The following WDFY2 variants were observed in gnomAD, a reference collection of about 807,000 sequenced individuals.
WDFY2 encodes the protein WD repeat and FYVE domain-containing protein 2.
WDFY2 carries 36 observed loss-of-function variants against 56.4 expected under a neutral mutation model. That is an observed-to-expected ratio of 0.64 (90% confidence interval 0.49 to 0.84). WDFY2 has a LOEUF of 0.84. Ranked by LOEUF, WDFY2 falls within the 40% of genes least tolerant of loss-of-function variation. The pLI, the probability that WDFY2 is intolerant of heterozygous loss-of-function variation, is 0.00. For synonymous variants in WDFY2, 176 were observed against 183.7 expected (o/e 0.96, Z 0.34); for missense variants, 444 against 512.2 (o/e 0.87, Z 1.29).
chr13:51,596,096 G>A (rs1241165768), intron 1 of WDFY2, among the ~76,000 whole-genome samples: 1 of 152,178 alleles, frequency 6.6e-6, no homozygotes, highest in African/African-American at 2.4e-5. Context: ...CTGTTTTAGT[G>A]TTCGTTGGGG....
rs71085095 is a variant in WDFY2 at position 51,708,581 on chromosome 13, TAAAA to T, written c.334+4939_334+4942del. ...AATCATATAGTAATTCCCAATTAAT[TAAAA>T]AAAAAAAGCAGACTAAGAGGAAAAA... On this transcript the variant is annotated intron_variant, in intron 4 of 11. Transcript: ENST00000298125. Among the ~76,000 whole-genome samples the T allele has an allele frequency of 2.1e-5, 3 of 144,738 alleles. 1 individual carries two copies. In the South Asian group the frequency reaches 6.5e-4, roughly 32 times the overall value. The allele number at this position is 144,738 out of a possible 152,430, so 95.0% of individuals were successfully genotyped here. A position where few individuals can be genotyped will look rare whatever the true frequency, so the allele number is the denominator to read the frequency against.
At chr13:51,636,261 ACT>A (rs1218231484) in intron 1 of WDFY2, among the ~76,000 whole-genome samples, 3 of 152,104 alleles carry the variant, frequency 2.0e-5, no homozygotes, top group Non-Finnish European at 4.4e-5. Flanking sequence ...TGGCACACAC[ACT>A]CTGATTTGTA....
At chr13:51,631,962 C>T (rs1954961513) in intron 1 of WDFY2, among the ~76,000 whole-genome samples, 1 of 152,048 alleles carries the variant, frequency 6.6e-6, no homozygotes. Flanking sequence ...AAGAATATTT[C>T]TACAGATAAG....
At chr13:51,678,907 A>G (rs1196129290) in intron 3 of WDFY2, among the ~76,000 whole-genome samples, 1 of 152,190 alleles carries the variant, frequency 6.6e-6, no homozygotes, top group African/African-American at 2.4e-5. Flanking sequence ...AGCTCCCTGA[A>G]TACGAACTGG....
At chr13:51,599,568 A>G (rs1954226181) in intron 1 of WDFY2, 2 of 152,276 alleles carry the variant, frequency 1.3e-5, no homozygotes, top group African/African-American at 4.8e-5. Context: ...AAGTTACTGT[A>G]TATGTTTCCT....
intron 3 of WDFY2, among the ~76,000 whole-genome samples, chr13:51,681,199 T>C (rs1955971383): frequency 6.6e-6 from 1 of 152,142 alleles, no homozygotes; most frequent in African/African-American, 2.4e-5. Flanking sequence ...GGAGAGACAG[T>C]CTTGAAAATT....
chr13:51,645,039 A>G (rs1955238977), intron 1 of WDFY2, among the ~76,000 whole-genome samples: 1 of 152,216 alleles, frequency 6.6e-6, no homozygotes, highest in Non-Finnish European at 1.5e-5. Flanking sequence ...ATTACAAGTA[A>G]TTAAAGAAAT....
chr13:51,615,914 A>T (rs913299412), intron 1 of WDFY2, among the ~76,000 whole-genome samples: 6 of 152,208 alleles, frequency 3.9e-5, no homozygotes, highest in Admixed American at 2.6e-4. Context: ...CTATTTTTTA[A>T]CCAGTAATGA....
intron 1 of WDFY2, among the ~76,000 whole-genome samples, chr13:51,645,084 C>T (rs1955239607): frequency 6.6e-6 from 1 of 152,028 alleles, no homozygotes; most frequent in African/African-American, 2.4e-5. Flanking sequence ...TTTAAAAAAT[C>T]AGCTATGTTT....
chr13:51,767,486 G>A lies in WDFY2; in HGVS notation c.*7717G>A, dbSNP rs1953786097. 1.3e-5 allele frequency: 2 copies of A among 152,214 alleles called. No homozygotes were observed. Among genetic ancestry groups the A allele is most frequent in the Admixed American group, 6.5e-5 (1 of 15,280 alleles). The allele number at this position is 152,214 out of a possible 1,614,324, so 9.4% of individuals were successfully genotyped here. ...TGGGTTTTCCTCTGCTATGGGGGATGAGTTACGTTTATTCCACCATGGACA... is the reference window on the plus strand; with the variant it reads ...TGGGTTTTCCTCTGCTATGGGGGATAAGTTACGTTTATTCCACCATGGACA... On this transcript the variant is annotated 3_prime_UTR_variant, in exon 12 of 12. Transcript: ENST00000298125.
intron 1 of WDFY2, among the ~76,000 whole-genome samples, chr13:51,652,356 C>G (rs1955408447): frequency 6.6e-6 from 1 of 152,164 alleles, no homozygotes; most frequent in Admixed American, 6.5e-5. Flanking sequence ...GACTCTTCAT[C>G]CAGTTTTCCA....
chr13:51,604,774 A>C (rs1377020251), intron 1 of WDFY2, among the ~76,000 whole-genome samples: 1 of 152,226 alleles, frequency 6.6e-6, no homozygotes. Context: ...GACATTGTGG[A>C]TAGAGTGTCA....
intron 7 of WDFY2, 81 bp from the exon 8 acceptor site, chr13:51,751,229 G>A: frequency 6.5e-6 from 9 of 1,379,586 alleles, no homozygotes; most frequent in Non-Finnish European, 8.0e-6. Flanking sequence ...TGAGCACATT[G>A]GCTGACTTTG....
chr13:51,754,999 C>T (rs1197664823), intron 8 of WDFY2, among the ~76,000 whole-genome samples: 1 of 152,188 alleles, frequency 6.6e-6, no homozygotes, highest in African/African-American at 2.4e-5. Context: ...CCAGCCATCC[C>T]CAGGTCTCAG....
In WDFY2 at chr13:51,766,167, G is replaced by C. The variant is rs918085464; in HGVS notation, c.*6398G>C. 1 of 152,226 alleles carries C rather than the reference G, an allele frequency of 6.6e-6. No individual in the cohort carries two copies. The highest frequency in any genetic ancestry group is 2.4e-5 in the African/African-American group (1 of 41,466). The allele number at this position is 152,226 out of a possible 1,614,324, so 9.4% of individuals were successfully genotyped here. Reference sequence around the variant, plus strand: ...GTAACCATTGTACTCTTATGGATTTGTGTCTTACACCATTTGCCTTGCTTT... The same window carrying C: ...GTAACCATTGTACTCTTATGGATTTCTGTCTTACACCATTTGCCTTGCTTT... On this transcript the variant is annotated 3_prime_UTR_variant, in exon 12 of 12. Coordinates refer to ENST00000298125, the MANE Select transcript of WDFY2 (RefSeq NM_052950.4).
At chr13:51,735,892 T>C (rs963228894) in intron 6 of WDFY2, among the ~76,000 whole-genome samples, 3 of 152,212 alleles carry the variant, frequency 2.0e-5, no homozygotes, top group South Asian at 2.1e-4. Flanking sequence ...TGGGAGTGTC[T>C]GATGAATATA....
chr13:51,689,678 C>CGGAGAGGAAAAA (rs1181879682), intron 3 of WDFY2, among the ~76,000 whole-genome samples: 1 of 152,036 alleles, frequency 6.6e-6, no homozygotes, highest in Non-Finnish European at 1.5e-5. Context: ...GGCATTTGAC[C>CGGAGAGGAAAAA]GGAGAGGAAA....
chr13:51,766,678 G>C lies in WDFY2; in HGVS notation c.*6909G>C, dbSNP rs1009751167. 6.6e-6 allele frequency: 1 copy of C among 152,198 alleles called. No homozygotes were observed. 9.4% of individuals were successfully genotyped at this position (152,198 alleles called of 1,614,324 possible). A position where few individuals can be genotyped will look rare whatever the true frequency, so the allele number is the denominator to read the frequency against. On this transcript the variant is annotated 3_prime_UTR_variant, in exon 12 of 12. Transcript: ENST00000298125. ...TGAATATTGTGAATGTTTTTACTCC[G>C]CTCACTTTCCCACTGTGCTTTCCTC...
intron 2 of WDFY2, among the ~76,000 whole-genome samples, chr13:51,668,186 T>A (rs1295274843): frequency 6.6e-6 from 1 of 152,128 alleles, no homozygotes; most frequent in Non-Finnish European, 1.5e-5. Flanking sequence ...GCCCGGAACT[T>A]CTCATTTTTA....
Sources: gnomAD v4.1 joint callset for allele counts (sites outside exome capture counted in the v4.1 genomes callset) on GRCh38, gnomAD v4.1.1 for gene constraint, MANE v1.5 for transcripts, NCBI Gene and HGNC (gene_info 2026-07-23, HGNC 2026-07-21) for gene names.